The following SPATA12 variants were observed in gnomAD, a reference collection of about 807,000 sequenced individuals.
SPATA12 encodes the protein spermatogenesis associated 12, also known as spermatogenesis-associated protein 12.
For missense variants in SPATA12, 219 were observed against 226.4 expected, an observed-to-expected ratio of 0.97 and a Z score of 0.21; for synonymous variants, 85 against 89.2, an observed-to-expected ratio of 0.95 and a Z score of 0.26.
chr3:57,068,018 C>A (rs934219217), intron 1 of SPATA12, among the ~76,000 whole-genome samples: 4 of 151,790 alleles, frequency 2.6e-5, no homozygotes, highest in Non-Finnish European at 4.4e-5. Context: ...CAAACAACAA[C>A]AAAAAATTAG....
At position 57,073,814 on chromosome 3, in the gene SPATA12, C is replaced by A. The variant is rs201831830; in HGVS notation, c.120C>A (p.Ser40=). ...GGCCACCCAGAGGCCTTGGGTCATC[C>A]ACCCAACATCCCAACAAACCCCACT... ...VPWPPRGLGS[S]TQHPNKPHCA... is the part of the protein sequence containing the mutation. Residue 40 remains serine (S), a synonymous_variant, in exon 2 of 2, where the codon TCC becomes TCA. Transcript: ENST00000334325. 1 of 1,614,220 alleles carries A rather than the reference C, an allele frequency of 6.2e-7. No individual in the cohort carries two copies. Among genetic ancestry groups the A allele is most frequent in the East Asian group, 2.2e-5 (1 of 44,880 alleles).
At chr3:57,072,705 GGCA>G (rs1335539092) in intron 1 of SPATA12, among the ~76,000 whole-genome samples, 2 of 147,994 alleles carry the variant, frequency 1.4e-5, no homozygotes, top group Admixed American at 6.8e-5. Context: ...TACCACCCTG[GGCA>G]ACAGAACGAG....
Position 57,073,917 on chromosome 3 carries a change from GA to G in SPATA12, c.224del (p.Asp75ValfsTer25). 1 of 1,614,204 alleles carries G rather than the reference GA, an allele frequency of 6.2e-7. No individual in the cohort carries two copies. Among genetic ancestry groups the G allele is most frequent in the East Asian group, 2.2e-5 (1 of 44,878 alleles). On this transcript the variant is annotated frameshift_variant, in exon 2 of 2. Transcript: ENST00000334325. LOFTEE classifies it low-confidence loss of function (END_TRUNC). ...SALPELTFQG[D>X]VCQSETCQRY... Reference sequence around the variant, plus strand: ...CCTCCCAGAGCTGACATTTCAGGGGGATGTGTGCCAAAGTGAGACCTGTCAG... The same window carrying G: ...CCTCCCAGAGCTGACATTTCAGGGGGTGTGTGCCAAAGTGAGACCTGTCAG...
chr3:57,067,170 G>C (rs536887089), intron 1 of SPATA12, among the ~76,000 whole-genome samples: 1 of 152,224 alleles, frequency 6.6e-6, no homozygotes, highest in African/African-American at 2.4e-5. Context: ...AACATTTGTC[G>C]GCCAGGCGCG....
chr3:57,074,639 T>C lies in SPATA12; in HGVS notation c.*372T>C, dbSNP rs1706125705. 4.7e-6 allele frequency: 1 copy of C among 213,318 alleles called. No individual in the cohort carries two copies. The highest frequency in any genetic ancestry group is 2.3e-5 in the African/African-American group (1 of 42,976). The allele number at this position is 213,318 out of a possible 1,614,324, so 13.2% of individuals were successfully genotyped here. ...CCGATCCTATACATTTTCATCTCTT[T>C]ATTGTTTCTATCAAAGCCTGCTAAG... On this transcript the variant is annotated 3_prime_UTR_variant, in exon 2 of 2. Coordinates refer to ENST00000334325, the MANE Select transcript of SPATA12 (RefSeq NM_181727.2).
chr3:57,069,362 ATC>A (rs1705747986), intron 1 of SPATA12, among the ~76,000 whole-genome samples: 1 of 138,956 alleles, frequency 7.2e-6, no homozygotes, highest in South Asian at 2.3e-4. Context: ...AATAACTCTA[ATC>A]TCTGTCTCTC....
Position 57,073,658 on chromosome 3 carries a change from T to C in SPATA12, c.-37T>C. The C allele has an allele frequency of 6.3e-7, 1 of 1,583,202 alleles. No homozygotes were observed. The highest frequency in any genetic ancestry group is 1.2e-5 in the South Asian group (1 of 85,112). ...TTGGCTCCGGCCAAGTGCCCCAGCC[T>C]CCTTTTCTGGAGAATTCTGTTTTTG... On this transcript the variant is annotated 5_prime_UTR_variant, in exon 2 of 2. Coordinates refer to ENST00000334325, the MANE Select transcript of SPATA12 (RefSeq NM_181727.2).
chr3:57,071,272 A>C (rs1560178051), intron 1 of SPATA12, among the ~76,000 whole-genome samples: 1 of 152,220 alleles, frequency 6.6e-6, no homozygotes, highest in South Asian at 2.1e-4. Context: ...CAAAAAATGA[A>C]GCTAGACCCC....
chr3:57,072,811 C>T (rs746769566), intron 1 of SPATA12, among the ~76,000 whole-genome samples: 1 of 151,822 alleles, frequency 6.6e-6, no homozygotes, highest in Non-Finnish European at 1.5e-5. Context: ...CTTTGGGAGG[C>T]CAAGGCGGGT....
At chr3:57,072,483 G>T (rs1906503) in intron 1 of SPATA12, among the ~76,000 whole-genome samples, 63,570 of 151,108 alleles carry the variant, frequency 0.42, 15,075 homozygotes, top group Middle Eastern at 0.54. Flanking sequence ...GCTCATGTCC[G>T]TAATCCCAGC....
chr3:57,068,256 A>C (rs114575978), intron 1 of SPATA12, among the ~76,000 whole-genome samples: 2 of 152,180 alleles, frequency 1.3e-5, no homozygotes, highest in South Asian at 2.1e-4. Context: ...AGAAGCCACC[A>C]TACTCCACCA....
intron 1 of SPATA12, among the ~76,000 whole-genome samples, chr3:57,072,875 T>C (rs1705999608): frequency 1.3e-5 from 2 of 151,890 alleles, no homozygotes; most frequent in Admixed American, 6.6e-5. Context: ...TGAAACCCCA[T>C]CTCTACTAAA....
At chr3:57,064,238 A>G (rs544003833) in intron 1 of SPATA12, among the ~76,000 whole-genome samples, 4 of 152,206 alleles carry the variant, frequency 2.6e-5, no homozygotes, top group Non-Finnish European at 5.9e-5. Context: ...CACTGCAGCA[A>G]TCAGTGACAG....
intron 1 of SPATA12, among the ~76,000 whole-genome samples, chr3:57,061,873 C>T (rs1415989880): frequency 6.6e-6 from 1 of 152,168 alleles, no homozygotes; most frequent in Non-Finnish European, 1.5e-5. Flanking sequence ...AGAGGTCCTC[C>T]TTCTCAGATG....
In SPATA12 at chr3:57,073,791, C is replaced by T; in HGVS notation, c.97C>T (p.Pro33Ser). The T allele has an allele frequency of 6.2e-7, 1 of 1,614,238 alleles. No homozygotes were observed. Among genetic ancestry groups the T allele is most frequent in the Non-Finnish European group, 8.5e-7 (1 of 1,180,040 alleles). ...ALDSSRLVPW[P>S]PRGLGSSTQH... is the part of the protein sequence containing the mutation. ...AGACTCTTCCAGACTCGTTCCATGG[C>T]CACCCAGAGGCCTTGGGTCATCCAC... is the stretch of plus-strand genomic sequence containing the variant. The change falls in exon 2 of 2, where the codon CCA (proline) becomes TCA (serine). Residue 33 changes from proline to serine, a missense_variant. Coordinates refer to ENST00000334325, the MANE Select transcript of SPATA12 (RefSeq NM_181727.2).
chr3:57,069,411 A>ACACACACACACACACACAC (rs71076015), intron 1 of SPATA12, among the ~76,000 whole-genome samples: 1 of 147,696 alleles, frequency 6.8e-6, no homozygotes, highest in African/African-American at 2.5e-5. Flanking sequence ...ACACACACAC[A>ACACACACACACACACACAC]TTGTTTGTTT....
chr3:57,062,461 G>T (rs767706992), intron 1 of SPATA12, among the ~76,000 whole-genome samples: 7 of 152,068 alleles, frequency 4.6e-5, no homozygotes, highest in Admixed American at 2.0e-4. Context: ...CGGCGGGGGC[G>T]GGGGGTGCTC....
Position 57,068,021 on chromosome 3 carries a change from A to C in SPATA12, c.-329-5345A>C, listed in dbSNP as rs931816188. On this transcript the variant is annotated intron_variant, in intron 1 of 1. Transcript: ENST00000334325. ...AACAAAAACAAACAAACAACAACAA[A>C]AAATTAGCCGGTGTGGTGGCATGCA... Among the ~76,000 whole-genome samples the C allele has an allele frequency of 2.6e-5, 4 of 152,046 alleles. No individual in the cohort carries two copies. The South Asian group carries it at 8.3e-4, about 32-fold the overall frequency.
At chr3:57,061,670 G>A (rs951350514) in intron 1 of SPATA12, among the ~76,000 whole-genome samples, 4 of 152,160 alleles carry the variant, frequency 2.6e-5, no homozygotes, top group African/African-American at 7.2e-5. Context: ...GGAATTGCTG[G>A]ACTATATGAT....
Sources: allele counts gnomAD v4.1 joint callset (sites outside exome capture counted in the v4.1 genomes callset), GRCh38; gene constraint gnomAD v4.1.1; transcripts MANE v1.5; gene names NCBI Gene and HGNC (gene_info 2026-07-23, HGNC 2026-07-21).